The following PRPH2 variants were observed in gnomAD, a reference collection of about 807,000 sequenced individuals.
The protein encoded by PRPH2 is peripherin-2.
PRPH2 carries 17 observed loss-of-function variants against 31.3 expected under a neutral mutation model. That is an observed-to-expected ratio of 0.54 (90% confidence interval 0.37 to 0.81). The LOEUF is 0.81. PRPH2 is among the 40% of genes least tolerant of loss of function. The pLI, the probability that PRPH2 is intolerant of heterozygous loss-of-function variation, is 0.00. For synonymous variants in PRPH2, 165 were observed against 184.4 expected, an observed-to-expected ratio of 0.89 and a Z score of 0.85; for missense variants, 430 against 439.7, an observed-to-expected ratio of 0.98 and a Z score of 0.20.
At chr6:42,713,919 C>CAAAAA (rs55805454) in intron 1 of PRPH2, among the ~76,000 whole-genome samples, 4 of 38,132 alleles carry the variant, frequency 1.0e-4, no homozygotes, top group African/African-American at 2.0e-4. Flanking sequence ...GACTCCATCT[C>CAAAAA]AAAAAAAAAA....
At position 42,721,852 on chromosome 6, in the gene PRPH2, G is replaced by A. The variant is rs76989855; in HGVS notation, c.483C>T (p.Ile161=). 4.7e-4 allele frequency: 752 copies of A among 1,614,192 alleles called. 4 individuals carry two copies. The African/African-American group carries it at 6.3e-3, about 14-fold the overall frequency. The change falls in exon 1 of 3, where the codon ATC becomes ATT. Residue 161 remains isoleucine (I), a synonymous_variant. Transcript: ENST00000230381. The part of the protein sequence containing the change: ...FMKKTIDMLQ[I]EFKCCGNNGF... Reference sequence around the variant, plus strand: ...CGTTGTTGCCGCAGCATTTGAACTCGATCTGCAGCATGTCGATGGTCTTCT... The same window carrying A: ...CGTTGTTGCCGCAGCATTTGAACTCAATCTGCAGCATGTCGATGGTCTTCT...
In PRPH2 at chr6:42,721,837, G is replaced by A. The variant is rs759752477; in HGVS notation, c.498C>T (p.Cys166=). The change falls in exon 1 of 3, where the codon TGC becomes TGT. Residue 166 remains cysteine, a synonymous_variant. Transcript: ENST00000230381. The part of the protein sequence containing the change: ...IDMLQIEFKC[C]GNNGFRDWFE... ...ACCAGTCCCGAAAACCGTTGTTGCCGCAGCATTTGAACTCGATCTGCAGCA... is the reference window on the plus strand; with the variant it reads ...ACCAGTCCCGAAAACCGTTGTTGCCACAGCATTTGAACTCGATCTGCAGCA... 2.9e-5 allele frequency: 47 copies of A among 1,614,088 alleles called. No homozygotes were observed. The highest frequency in any genetic ancestry group is 3.3e-4 in the Middle Eastern group (2 of 6,084).
chr6:42,714,683 A>T (rs1315610730), intron 1 of PRPH2, among the ~76,000 whole-genome samples: 1 of 152,014 alleles, frequency 6.6e-6, no homozygotes, highest in African/African-American at 2.4e-5. Context: ...CACCTAGCTA[A>T]TTTTTGTATT....
intron 1 of PRPH2, 63 bp from the exon 2 acceptor site, chr6:42,704,674 C>T: frequency 6.2e-7 from 1 of 1,610,494 alleles, no homozygotes; most frequent in Non-Finnish European, 8.5e-7. Context: ...GCCACTTCCT[C>T]CCAACCCCTG....
chr6:42,707,607 A>C (rs1800192219), intron 1 of PRPH2, among the ~76,000 whole-genome samples: 1 of 152,166 alleles, frequency 6.6e-6, no homozygotes, highest in Admixed American at 6.5e-5. Context: ...ACAGTATCTC[A>C]GAGTTGTTTT....
intron 1 of PRPH2, among the ~76,000 whole-genome samples, chr6:42,713,345 A>C (rs565002088): frequency 1.2e-4 from 18 of 152,226 alleles, no homozygotes; most frequent in African/African-American, 4.1e-4. Flanking sequence ...AGCCTCCTCC[A>C]AGTGTAGCAG....
At position 42,704,556 on chromosome 6, in the gene PRPH2, A is replaced by T; in HGVS notation, c.637T>A (p.Cys213Ser). 6.2e-7 allele frequency: 1 copy of T among 1,614,188 alleles called. No individual in the cohort carries two copies. The highest frequency in any genetic ancestry group is 8.5e-7 in the Non-Finnish European group (1 of 1,180,020). The part of the protein sequence containing the change: ...RYLVDGVPFS[C>S]CNPSSPRPCI... ...GGCCGTGGCGAGCTAGGATTGCAGC[A>T]GCTGAAAGGGACGCCGTCCACCAGG... Residue 213 changes from cysteine (C) to serine (S), a missense_variant, in exon 2 of 3, where the codon TGC becomes AGC. Transcript: ENST00000230381.
chr6:42,721,233 C>T (rs1030807410), intron 1 of PRPH2, among the ~76,000 whole-genome samples: 1 of 152,178 alleles, frequency 6.6e-6, no homozygotes, highest in African/African-American at 2.4e-5. Context: ...CTCATGACTT[C>T]CCCTTCCTAT....
intron 1 of PRPH2, among the ~76,000 whole-genome samples, chr6:42,712,804 C>T (rs1761692383): frequency 6.6e-6 from 1 of 151,982 alleles, no homozygotes; most frequent in African/African-American, 2.4e-5. Context: ...GGTGTGTTGC[C>T]ACCACACCTG....
At chr6:42,716,607 G>T (rs1761786171) in intron 1 of PRPH2, among the ~76,000 whole-genome samples, 2 of 127,638 alleles carry the variant, frequency 1.6e-5, no homozygotes, top group Admixed American at 8.6e-5. Flanking sequence ...GGTTTGGTTT[G>T]GTTGGTTTTT....
At chr6:42,708,936 G>C (rs941725241) in intron 1 of PRPH2, among the ~76,000 whole-genome samples, 1 of 152,110 alleles carries the variant, frequency 6.6e-6, no homozygotes, top group African/African-American at 2.4e-5. Flanking sequence ...CCCTCCTTCC[G>C]CTTAGAGCCA....
At chr6:42,721,554 A>AT (rs1443757548) in intron 1 of PRPH2, among the ~76,000 whole-genome samples, 200 bp downstream of exon 1, 1 of 152,104 alleles carries the variant, frequency 6.6e-6, no homozygotes, top group Non-Finnish European at 1.5e-5. Context: ...TGAAGTTGTC[A>AT]TTTTTTATGG....
At chr6:42,709,384 C>T (rs1038919570) in intron 1 of PRPH2, among the ~76,000 whole-genome samples, 4 of 150,414 alleles carry the variant, frequency 2.7e-5, no homozygotes, top group African/African-American at 9.9e-5. Flanking sequence ...CAGTTGCCCA[C>T]TGGTCCCATT....
At chr6:42,712,720 T>A (rs1367281427) in intron 1 of PRPH2, among the ~76,000 whole-genome samples, 1 of 151,238 alleles carries the variant, frequency 6.6e-6, no homozygotes, top group African/African-American at 2.4e-5. Context: ...CCCAGCCTGT[T>A]TTTTCCTTTT....
At chr6:42,699,485 T>C (rs988941759) in intron 2 of PRPH2, among the ~76,000 whole-genome samples, 7 of 152,224 alleles carry the variant, frequency 4.6e-5, no homozygotes, top group Admixed American at 6.5e-5. Context: ...ACCCGGGCAC[T>C]TAGCCAGCCG....
intron 2 of PRPH2, among the ~76,000 whole-genome samples, chr6:42,702,955 T>C (rs1052957221): frequency 6.6e-6 from 1 of 152,020 alleles, no homozygotes; most frequent in African/African-American, 2.4e-5. Flanking sequence ...GGTAAGAGGA[T>C]TGCTTGAAGC....
chr6:42,705,599 A>AATATATAT (rs1194169404), intron 1 of PRPH2, among the ~76,000 whole-genome samples: 231 of 20,880 alleles, frequency 0.011, no homozygotes, highest in African/African-American at 0.018. Context: ...AAAAAAAAAA[A>AATATATAT]ATATATATAT....
Position 42,717,543 on chromosome 6 carries a change from T to C in PRPH2, c.581+4211A>G, listed in dbSNP as rs551177358. Among the ~76,000 whole-genome samples, 23 of 152,238 alleles carry C rather than the reference T, an allele frequency of 1.5e-4. No homozygotes were observed. The East Asian group carries it at 4.1e-3, about 27-fold the overall frequency. On this transcript the variant is annotated intron_variant, in intron 1 of 2. Transcript: ENST00000230381. ...AAGGTAAATGCTTACCATTTCTCAG[T>C]GCTTGTGATCTCAAAAAATAAATAA...
chr6:42,714,942 T>A (rs906089962), intron 1 of PRPH2, among the ~76,000 whole-genome samples: 4 of 152,188 alleles, frequency 2.6e-5, no homozygotes, highest in Admixed American at 2.6e-4. Flanking sequence ...CTGGGTGCAG[T>A]GGCTCACGCC....
Sources: gnomAD v4.1 joint callset for allele counts (sites outside exome capture counted in the v4.1 genomes callset) on GRCh38, gnomAD v4.1.1 for gene constraint, MANE v1.5 for transcripts, NCBI Gene and HGNC (gene_info 2026-07-23, HGNC 2026-07-21) for gene names.